Variants in SYNE1 observed in about 807,000 individuals in gnomAD.
SYNE1 encodes the protein nesprin-1.
SYNE1 carries 616 observed loss-of-function variants against 1,111.0 expected under a neutral mutation model. The observed-to-expected ratio is 0.55, with a 90% CI of 0.52 to 0.59. The LOEUF is 0.59. Among genes scored for constraint, SYNE1 ranks in the 20% least tolerant of loss-of-function variants. The pLI, the probability that SYNE1 is intolerant of heterozygous loss-of-function variation, is 0.00. For synonymous variants in SYNE1, 3,855 were observed against 3,825.8 expected (o/e 1.01, Z -0.28); for missense variants, 10,006 against 10,417.0 (o/e 0.96, Z 1.72).
In SYNE1 at chr6:152,362,159, C is replaced by T. The variant is rs1161769382; in HGVS notation, c.10299+11G>A. 4 of 1,614,048 alleles carry T rather than the reference C, an allele frequency of 2.5e-6. No homozygotes were observed. The highest frequency in any genetic ancestry group is 3.4e-6 in the Non-Finnish European group (4 of 1,180,036). ...TGAGAAAACACATGGAATCTGAAATCCAGCTCTCACCTTGGCTTTTCCGAG... is the reference window on the plus strand; with the variant it reads ...TGAGAAAACACATGGAATCTGAAATTCAGCTCTCACCTTGGCTTTTCCGAG... On this transcript the variant is annotated intron_variant, in intron 64 of 145. Coordinates refer to ENST00000367255, the MANE Select transcript of SYNE1 (RefSeq NM_182961.4).
At chr6:152,558,976 T>TTA (rs2099384903) in intron 3 of SYNE1, among the ~76,000 whole-genome samples, 3 of 139,964 alleles carry the variant, frequency 2.1e-5, no homozygotes, top group Non-Finnish European at 4.6e-5. Context: ...CATATTTAAT[T>TTA]TTTATTTATT....
intron 11 of SYNE1, among the ~76,000 whole-genome samples, chr6:152,488,817 G>T (rs1161936551): frequency 6.6e-6 from 1 of 151,808 alleles, no homozygotes; most frequent in African/African-American, 2.4e-5. Flanking sequence ...AGTAATAGCT[G>T]GAGTAGAAAC....
At chr6:152,495,719 A>G (rs999719538) in intron 11 of SYNE1, among the ~76,000 whole-genome samples, 3 of 152,124 alleles carry the variant, frequency 2.0e-5, no homozygotes, top group Non-Finnish European at 4.4e-5. Context: ...CTCTCTTTAA[A>G]TTAGCCAATT....
chr6:152,145,390 GA>G (rs1482575699), intron 137 of SYNE1: 2 of 1,197,864 alleles, frequency 1.7e-6, no homozygotes, highest in Non-Finnish European at 2.5e-6. Context: ...TAACATGCTA[GA>G]GCCACAAAGC....
At chr6:152,248,100 C>T (rs2087959490) in intron 105 of SYNE1, among the ~76,000 whole-genome samples, 2 of 152,144 alleles carry the variant, frequency 1.3e-5, no homozygotes, top group Admixed American at 6.6e-5. Context: ...TCCAGTACAG[C>T]TACATGAAGC....
chr6:152,507,527 T>G (rs1330228776), intron 8 of SYNE1, among the ~76,000 whole-genome samples: 2 of 152,158 alleles, frequency 1.3e-5, no homozygotes, highest in Non-Finnish European at 1.5e-5. Flanking sequence ...GTAGGTAATA[T>G]TCCTTAAAAG....
At chr6:152,522,224 C>CTGAGGA (rs2099143135) in intron 5 of SYNE1, among the ~76,000 whole-genome samples, 1 of 152,076 alleles carries the variant, frequency 6.6e-6, no homozygotes, top group Non-Finnish European at 1.5e-5. Context: ...CCTCATCCTT[C>CTGAGGA]TGAGTCTCCA....
chr6:152,222,419 C>T (rs772587012), intron 117 of SYNE1, among the ~76,000 whole-genome samples: 2 of 152,194 alleles, frequency 1.3e-5, no homozygotes, highest in South Asian at 2.1e-4. Flanking sequence ...TTGTTACATA[C>T]CCGCAGTGCT....
intron 3 of SYNE1, among the ~76,000 whole-genome samples, chr6:152,540,856 A>G (rs1225140051): frequency 2.0e-5 from 3 of 152,202 alleles, no homozygotes; most frequent in African/African-American, 7.2e-5. Context: ...CCCTTGTCAA[A>G]CAGTCACAAG....
At position 152,396,952 on chromosome 6, in the gene SYNE1, T is replaced by C; in HGVS notation, c.7379A>G (p.Gln2460Arg). The C allele has an allele frequency of 6.2e-7, 1 of 1,614,190 alleles. No homozygotes were observed. ...TTGAGTCACTGCATCAAGTTTGCTC[T>C]GCCCATCACTGACTGAGTCCAAAAT... ...QNILDSVSDG[Q>R]SKLDAVTQEG... The change falls in exon 50 of 146, where the codon CAG becomes CGG. Residue 2460 changes from glutamine to arginine, a missense_variant. Gln to Arg is a conservative substitution (Grantham distance 43, BLOSUM62 1). Transcript: ENST00000367255.
chr6:152,425,380 C>T lies in SYNE1; in HGVS notation c.5267+1G>A. On this transcript the variant is annotated splice_donor_variant, in intron 39 of 145. Transcript: ENST00000367255. LOFTEE classifies it high-confidence loss of function. The stretch of plus-strand genomic sequence containing the variant: ...TAGAAGATTTATCTTTTAGAACCAA[C>T]CTTTTGTTAATGATCTGTGGTAAAT... The T allele has an allele frequency of 6.2e-7, 1 of 1,613,968 alleles. No individual in the cohort carries two copies. Among genetic ancestry groups the T allele is most frequent in the Non-Finnish European group, 8.5e-7 (1 of 1,179,892 alleles).
intron 6 of SYNE1, 29 bp downstream of exon 6, chr6:152,520,430 T>A: frequency 1.2e-6 from 2 of 1,609,604 alleles, no homozygotes; most frequent in South Asian, 1.1e-5. Flanking sequence ...CCTTCTTCCT[T>A]GGGCATTTTG....
chr6:152,630,841 T>C (rs1440607213), intron 2 of SYNE1, among the ~76,000 whole-genome samples: 1 of 152,224 alleles, frequency 6.6e-6, no homozygotes, highest in East Asian at 1.9e-4. Context: ...ACTCTGCCTC[T>C]ATCCTCTTCT....
chr6:152,452,776 G>A (rs372502288), intron 25 of SYNE1, among the ~76,000 whole-genome samples: 1 of 152,160 alleles, frequency 6.6e-6, no homozygotes, highest in South Asian at 2.1e-4. Flanking sequence ...AGCCTCCATG[G>A]GACAGACTCA....
intron 11 of SYNE1, 141 bp from the exon 12 acceptor site, chr6:152,488,644 C>T (rs1479063027): frequency 1.7e-6 from 1 of 583,582 alleles, no homozygotes; most frequent in Non-Finnish European, 3.0e-6. Context: ...TCCTTACCCC[C>T]ACCTTTAGGA....
intron 72 of SYNE1, among the ~76,000 whole-genome samples, chr6:152,348,762 G>A (rs1348852347): frequency 6.9e-6 from 1 of 143,978 alleles, no homozygotes; most frequent in African/African-American, 2.6e-5. Context: ...TTTTTTTCCT[G>A]TTATATGATG....
intron 109 of SYNE1, 80 bp downstream of exon 109, chr6:152,236,737 A>G: frequency 6.5e-7 from 1 of 1,531,936 alleles, no homozygotes; most frequent in South Asian, 1.1e-5. Flanking sequence ...CTAATAAAAT[A>G]ATTGATCACA....
intron 3 of SYNE1, among the ~76,000 whole-genome samples, chr6:152,555,435 A>G (rs1016218747): frequency 6.6e-6 from 1 of 152,212 alleles, no homozygotes; most frequent in Non-Finnish European, 1.5e-5. Context: ...ATTCAGGTTG[A>G]TAGCCTAGGA....
At chr6:152,462,581 T>G in intron 20 of SYNE1, 157 bp downstream of exon 20, 2 of 748,946 alleles carry the variant, frequency 2.7e-6, no homozygotes, top group South Asian at 3.3e-5. Flanking sequence ...TTATGTTCAA[T>G]ACATTTTTTT....
Sources: allele counts gnomAD v4.1 joint callset (sites outside exome capture counted in the v4.1 genomes callset), GRCh38; gene constraint gnomAD v4.1.1; transcripts MANE v1.5; gene names NCBI Gene and HGNC (gene_info 2026-07-23, HGNC 2026-07-21).